The following SALL2 variants were observed in gnomAD, a reference collection of about 807,000 sequenced individuals.
SALL2 encodes spalt like transcription factor 2, also known as sal-like protein 2.
A neutral mutation model predicts 58.5 loss-of-function variants in SALL2; 32 were observed. That is an observed-to-expected ratio of 0.55 (90% CI 0.41 to 0.74). The LOEUF (loss-of-function observed/expected upper bound fraction) is 0.74. SALL2 is among the 30% of genes least tolerant of loss of function. The probability of loss-of-function intolerance (pLI) is 0.00; values close to 1 mark genes in which losing one functional copy is unlikely to be tolerated. For missense variants in SALL2, 1,201 were observed against 1,268.9 expected (o/e 0.95, Z 0.81); for synonymous variants, 516 against 513.6 (o/e 1.00, Z -0.06).
intron 1 of SALL2, among the ~76,000 whole-genome samples, chr14:21,534,053 C>G (rs761606601): frequency 6.6e-6 from 1 of 152,142 alleles, no homozygotes; most frequent in Non-Finnish European, 1.5e-5. Flanking sequence ...GAAACCCTGT[C>G]TATAAAAAAT....
At position 21,522,877 on chromosome 14, in the gene SALL2, C is replaced by T; in HGVS notation, c.2845G>A (p.Glu949Lys). Reference protein sequence around the residue: ...TCVFCRQGFLERATLKKHMLL... With the variant: ...TCVFCRQGFLKRATLKKHMLL... ...ATATGCTTCTTGAGGGTAGCCCGCT[C>T]AAGAAAGCCCTGCCTGCAGAAAACA... is the stretch of plus-strand genomic sequence containing the variant. The change falls in exon 2 of 2, where the codon GAG becomes AAG. Residue 949 changes from glutamate (E) to lysine (K), a missense_variant. Transcript: ENST00000537235. 1 of 1,610,980 alleles carries T rather than the reference C, an allele frequency of 6.2e-7. No individual in the cohort carries two copies. The highest frequency in any genetic ancestry group is 8.5e-7 in the Non-Finnish European group (1 of 1,178,414).
chr14:21,523,104 G>A lies in SALL2; in HGVS notation c.2618C>T (p.Pro873Leu), dbSNP rs763250465. 30 of 1,613,986 alleles carry A rather than the reference G, an allele frequency of 1.9e-5. No individual in the cohort carries two copies. The highest frequency in any genetic ancestry group is 1.7e-4 in the Admixed American group (10 of 59,992). The change falls in exon 2 of 2, where the codon CCG becomes CTG. Residue 873 changes from proline (P) to leucine (L), a missense_variant. Physicochemically the swap from Pro to Leu is moderately conservative, Grantham distance 98. Transcript: ENST00000537235. This position sits in a 1 kb window ranked among gnomAD's most constrained non-coding sequence, Gnocchi z 4.4. ...CCCTTCTGGGGTGAGTGCTGATGCC[G>A]GACTTGAGCTTCTCTCCGGTTTGCC... ...EGGKPERSSS[P>L]ASALTPEGEA... is the part of the protein sequence containing the mutation.
At chr14:21,533,760 A>G (rs1892524010) in intron 1 of SALL2, among the ~76,000 whole-genome samples, 1 of 152,170 alleles carries the variant, frequency 6.6e-6, no homozygotes, top group Admixed American at 6.5e-5. Flanking sequence ...GTGATGTCTT[A>G]GGTCACTGCA....
At chr14:21,526,367 G>C, upstream of SALL2, 1 of 1,407,034 alleles carries the variant, frequency 7.1e-7, no homozygotes, top group South Asian at 1.6e-5. Flanking sequence ...GATGAGGAGG[G>C]GAGTTTATGG....
In SALL2 at chr14:21,523,083, T is replaced by C. The variant is rs1224797769; in HGVS notation, c.2639A>G (p.Glu880Gly). The change falls in exon 2 of 2, where the codon GAA (glutamate) becomes GGA (glycine). Residue 880 changes from glutamate (E) to glycine (G), a missense_variant. Transcript: ENST00000537235. This position sits in a 1 kb window ranked among gnomAD's most constrained non-coding sequence, Gnocchi z 4.4. ...SSSPASALTP[E>G]GEATSVTLVE... ...CAAGGTCACGCTGGTGGCTTCCCCTTCTGGGGTGAGTGCTGATGCCGGACT... is the reference window on the plus strand; with the variant it reads ...CAAGGTCACGCTGGTGGCTTCCCCTCCTGGGGTGAGTGCTGATGCCGGACT... The C allele has an allele frequency of 1.2e-6, 2 of 1,614,166 alleles. No individual in the cohort carries two copies. Among genetic ancestry groups the C allele is most frequent in the Admixed American group, 1.7e-5 (1 of 60,028 alleles).
At chr14:21,532,788 C>G (rs1197303292) in intron 1 of SALL2, among the ~76,000 whole-genome samples, 1 of 150,410 alleles carries the variant, frequency 6.6e-6, no homozygotes, top group Middle Eastern at 3.5e-3. Context: ...ACAGTGAAAC[C>G]CTGTCTCTAC....
chr14:21,526,899 A>T (rs1400246063), upstream of SALL2, among the ~76,000 whole-genome samples: 2 of 151,812 alleles, frequency 1.3e-5, no homozygotes, highest in African/African-American at 4.8e-5. Context: ...GGGCGGCTGC[A>T]AGGTAGAATT....
chr14:21,525,333 G>T lies in SALL2; in HGVS notation c.389C>A (p.Thr130Lys). The change falls in exon 2 of 2, where the codon ACA becomes AAA. Residue 130 changes from threonine (T) to lysine (K), a missense_variant. By Grantham distance (78) the Thr-to-Lys change is moderately conservative (BLOSUM62 -1). This residue lies in a region of SALL2 where 467 missense variants were observed against 468.9 expected (regional missense o/e 1.00). Transcript: ENST00000537235. This position sits in a 1 kb window ranked among gnomAD's most constrained non-coding sequence, Gnocchi z 4.4. ...SGHFLVAATG[T>K]AAGGGGGLIL... ...CAGGCCCCCGCCTCCCCCAGCCGCT[G>T]TACCTGTGGCAGCGACCAGGAAATG... The T allele has an allele frequency of 6.2e-7, 1 of 1,613,982 alleles. No individual in the cohort carries two copies. The highest frequency in any genetic ancestry group is 8.5e-7 in the Non-Finnish European group (1 of 1,179,930).
Position 21,524,736 on chromosome 14 carries a change from T to C in SALL2, c.986A>G (p.Gln329Arg). The C allele has an allele frequency of 6.2e-7, 1 of 1,611,690 alleles. No individual in the cohort carries two copies. Reference sequence around the variant, plus strand: ...AAGGCCTCGGGCTGCCCCAAGACACTGTGCTGCCAGTAGTCCCGTGGTGCT... The same window carrying C: ...AAGGCCTCGGGCTGCCCCAAGACACCGTGCTGCCAGTAGTCCCGTGGTGCT... ...FPSTTGLLAA[Q>R]CLGAARGLEA... The change falls in exon 2 of 2, where the codon CAG becomes CGG. Residue 329 changes from glutamine to arginine, a missense_variant. Physicochemically the swap from Gln to Arg is conservative, Grantham distance 43. Transcript: ENST00000537235.
At chr14:21,535,168 A>T (rs991218422) in intron 1 of SALL2, among the ~76,000 whole-genome samples, 15 of 151,770 alleles carry the variant, frequency 9.9e-5, no homozygotes, top group South Asian at 2.1e-4. Context: ...ACACGGTGAA[A>T]CCCCGTCTCT....
Position 21,522,806 on chromosome 14 carries a change from A to G in SALL2, c.2916T>C (p.Pro972=). Residue 972 remains proline (P), a synonymous_variant, in exon 2 of 2, where the codon CCT becomes CCC. Coordinates refer to ENST00000537235, the MANE Select transcript of SALL2 (RefSeq NM_001364564.1). ...HQVQPFAPHG[P]QNIAALSLVP... is the part of the protein sequence containing the mutation. ...CTAGAGAAAGAGCAGCAATATTCTGAGGGCCATGGGGGGCAAAGGGCTGTA... is the reference window on the plus strand; with the variant it reads ...CTAGAGAAAGAGCAGCAATATTCTGGGGGCCATGGGGGGCAAAGGGCTGTA... The G allele has an allele frequency of 6.2e-7, 1 of 1,606,374 alleles. No individual in the cohort carries two copies. The highest frequency in any genetic ancestry group is 8.5e-7 in the Non-Finnish European group (1 of 1,176,792).
Position 21,522,171 on chromosome 14 carries a change from G to T in SALL2, c.*533C>A. On this transcript the variant is annotated 3_prime_UTR_variant, in exon 2 of 2. Coordinates refer to ENST00000537235, the MANE Select transcript of SALL2 (RefSeq NM_001364564.1). The stretch of plus-strand genomic sequence containing the variant: ...CAGCACTGGTGGGGCCAGGCTTGGA[G>T]TGGTAGTGGAGGTGGAGCTGGAATT... 1 of 1,597,964 alleles carries T rather than the reference G, an allele frequency of 6.3e-7. No homozygotes were observed. Among genetic ancestry groups the T allele is most frequent in the South Asian group, 1.1e-5 (1 of 90,876 alleles).
At position 21,522,455 on chromosome 14, in the gene SALL2, G is replaced by C. The variant is rs1892076629; in HGVS notation, c.*249C>G. On this transcript the variant is annotated 3_prime_UTR_variant, in exon 2 of 2. Transcript: ENST00000537235. ...AGGGAAGCTGGAGAGGGTTCCCCTT[G>C]AGAAAGCTGCAGAGAATCTATGTTC... 5 of 1,403,270 alleles carry C rather than the reference G, an allele frequency of 3.6e-6. No individual in the cohort carries two copies. The highest frequency in any genetic ancestry group is 3.7e-6 in the Non-Finnish European group (4 of 1,082,490). The allele number at this position is 1,403,270 out of a possible 1,614,324, so 86.9% of individuals were successfully genotyped here. A position where few individuals can be genotyped will look rare whatever the true frequency, so the allele number is the denominator to read the frequency against.
At chr14:21,532,887 C>T (rs1205145691) in intron 1 of SALL2, among the ~76,000 whole-genome samples, 17 of 152,102 alleles carry the variant, frequency 1.1e-4, no homozygotes, top group Middle Eastern at 3.4e-3. Flanking sequence ...GGTGTGAACC[C>T]GGGAGGCGGA....
At position 21,522,136 on chromosome 14, in the gene SALL2, C is replaced by T. The variant is rs1892059374; in HGVS notation, c.*568G>A. 2.5e-6 allele frequency: 4 copies of T among 1,598,030 alleles called. No homozygotes were observed. Among genetic ancestry groups the T allele is most frequent in the East Asian group, 4.5e-5 (2 of 44,854 alleles). On this transcript the variant is annotated 3_prime_UTR_variant, in exon 2 of 2. Transcript: ENST00000537235. ...GGAGGCACCTTCCCAGCCACAGTTC[C>T]TAGGCCAAACAGCACTGGTGGGGCC... is the stretch of plus-strand genomic sequence containing the variant.
intron 1 of SALL2, among the ~76,000 whole-genome samples, chr14:21,535,037 T>A (rs779142962): frequency 4.6e-5 from 7 of 152,158 alleles, no homozygotes; most frequent in Non-Finnish European, 1.0e-4. Flanking sequence ...GAGCTTTTCA[T>A]GACACGTCTC....
chr14:21,528,951 CCTTTT>C (rs995553337), upstream of SALL2, among the ~76,000 whole-genome samples: 4 of 152,140 alleles, frequency 2.6e-5, no homozygotes, highest in South Asian at 2.1e-4. Flanking sequence ...GAAAAGAAAT[CCTTTT>C]CTTTTCATCT....
chr14:21,523,673 T>C lies in SALL2; in HGVS notation c.2049A>G (p.Pro683=). 2 of 1,614,232 alleles carry C rather than the reference T, an allele frequency of 1.2e-6. No individual in the cohort carries two copies. The highest frequency in any genetic ancestry group is 1.7e-6 in the Non-Finnish European group (2 of 1,180,044). ...GGCAGGAATTCTGTGCCCGGGCAGC[T>C]GGACTGGCCTTGTGGCCCACGAAAT... ...RAHFVGHKAS[P]AARAQNSCPI... is the part of the protein sequence containing the mutation. Residue 683 remains proline, a synonymous_variant, in exon 2 of 2, where the codon CCA becomes CCG. Transcript: ENST00000537235. The surrounding 1 kb of genome is among the most constrained non-coding windows in gnomAD (Gnocchi z 4.4).
upstream of SALL2, among the ~76,000 whole-genome samples, chr14:21,526,835 A>T (rs1892330836): frequency 6.6e-6 from 1 of 151,922 alleles, no homozygotes; most frequent in African/African-American, 2.4e-5. Flanking sequence ...CGTCTTTCTC[A>T]CTTCCATTCC....
Sources: gnomAD v4.1 joint callset for allele counts (sites outside exome capture counted in the v4.1 genomes callset) on GRCh38, gnomAD v4.1.1 for gene constraint, gnomAD v4.1.1 regional missense constraint, Gnocchi (gnomAD v3.1) non-coding constraint, MANE v1.5 for transcripts, NCBI Gene and HGNC (gene_info 2026-07-23, HGNC 2026-07-21) for gene names.